The following ARL15 variants were observed in gnomAD, a reference collection of about 807,000 sequenced individuals.
ARL15 encodes ARF like GTPase 15.
Under a neutral mutation model 25.2 loss-of-function variants are expected in ARL15, and 19 were observed. That is an observed-to-expected ratio of 0.75 (90% confidence interval 0.53 to 1.10). The LOEUF (loss-of-function observed/expected upper bound fraction) is 1.10, where lower values mean the gene tolerates loss of function less well. ARL15 is among the 50% of genes least tolerant of loss of function. The pLI is 0.00. For missense variants in ARL15, 220 were observed against 246.0 expected (o/e 0.89, Z 0.71); for synonymous variants, 94 against 86.8 (o/e 1.08, Z -0.46).
At chr5:54,262,511 T>C (rs956673593) in intron 1 of ARL15, among the ~76,000 whole-genome samples, 2 of 151,896 alleles carry the variant, frequency 1.3e-5, no homozygotes, top group Non-Finnish European at 2.9e-5. Context: ...TGGATCAAAC[T>C]CCAGTTACCT....
chr5:54,105,154 G>C (rs755751966), intron 4 of ARL15, among the ~76,000 whole-genome samples: 1 of 151,526 alleles, frequency 6.6e-6, no homozygotes, highest in Non-Finnish European at 1.5e-5. Flanking sequence ...AATTTACCTC[G>C]ACAAATGTTT....
chr5:54,168,881 G>A (rs2112392901), intron 2 of ARL15, among the ~76,000 whole-genome samples: 1 of 152,266 alleles, frequency 6.6e-6, no homozygotes, highest in South Asian at 2.1e-4. Context: ...AGAGCCTGGA[G>A]TATATTAAAT....
At chr5:54,086,038 C>T (rs1751954275) in intron 4 of ARL15, among the ~76,000 whole-genome samples, 1 of 152,192 alleles carries the variant, frequency 6.6e-6, no homozygotes, top group Admixed American at 6.5e-5. Flanking sequence ...CCTCAGCCTC[C>T]TGAGTAGCTG....
At chr5:54,299,866 C>T (rs1405383445) in intron 1 of ARL15, among the ~76,000 whole-genome samples, 2 of 152,010 alleles carry the variant, frequency 1.3e-5, no homozygotes, top group Non-Finnish European at 2.9e-5. Flanking sequence ...GGATTATAGG[C>T]GTGAGCCACC....
chr5:54,264,499 C>A (rs964225651), intron 1 of ARL15, among the ~76,000 whole-genome samples: 3 of 152,094 alleles, frequency 2.0e-5, no homozygotes. Context: ...TATGAGGTAC[C>A]CCCACAGTCA....
At chr5:54,082,826 T>C (rs1194006771) in intron 4 of ARL15, among the ~76,000 whole-genome samples, 1 of 152,192 alleles carries the variant, frequency 6.6e-6, no homozygotes, top group Non-Finnish European at 1.5e-5. Context: ...ATATGCAAAT[T>C]TGTCAAATTT....
intron 1 of ARL15, among the ~76,000 whole-genome samples, chr5:54,244,695 G>T (rs1301373640): frequency 6.6e-6 from 1 of 151,866 alleles, no homozygotes; most frequent in Admixed American, 6.6e-5. Context: ...TGAGTCCAAG[G>T]TGGACACTAT....
intron 1 of ARL15, among the ~76,000 whole-genome samples, chr5:54,203,761 A>G (rs3797254): frequency 0.3 from 45,190 of 152,040 alleles, 6,875 homozygotes; most frequent in Admixed American, 0.38. Flanking sequence ...CTGTTGGTCA[A>G]TAATGTTTTC....
intron 4 of ARL15, among the ~76,000 whole-genome samples, chr5:53,928,062 A>G (rs1467182716): frequency 6.6e-6 from 1 of 152,146 alleles, no homozygotes; most frequent in Non-Finnish European, 1.5e-5. Flanking sequence ...GTCAGTGAAT[A>G]TTATTGATCT....
intron 1 of ARL15, among the ~76,000 whole-genome samples, chr5:54,188,180 A>G (rs1343857403): frequency 1.3e-5 from 2 of 152,220 alleles, no homozygotes; most frequent in African/African-American, 4.8e-5. Context: ...ATGGTTAGCA[A>G]TAAATAAATA....
intron 4 of ARL15, among the ~76,000 whole-genome samples, chr5:53,912,290 T>C (rs1580072776): frequency 6.6e-6 from 1 of 152,176 alleles, no homozygotes; most frequent in African/African-American, 2.4e-5. Flanking sequence ...ATAGTGGTGG[T>C]CTGGCCCAAG....
At chr5:53,902,668 C>T (rs1745105360) in intron 4 of ARL15, among the ~76,000 whole-genome samples, 1 of 152,152 alleles carries the variant, frequency 6.6e-6, no homozygotes, top group South Asian at 2.1e-4. Flanking sequence ...AATTCTTGGG[C>T]CATAAACAGG....
chr5:54,069,067 T>C (rs1374000501), intron 4 of ARL15, among the ~76,000 whole-genome samples: 1 of 152,190 alleles, frequency 6.6e-6, no homozygotes, highest in Non-Finnish European at 1.5e-5. Flanking sequence ...CAATGCGACA[T>C]TCTAAAATTA....
chr5:53,951,446 T>A (rs1027425726), intron 4 of ARL15: 4 of 465,854 alleles, frequency 8.6e-6, no homozygotes, highest in African/African-American at 6.1e-5. Context: ...TTACTCTCAA[T>A]TTCTGTATTT....
intron 4 of ARL15, among the ~76,000 whole-genome samples, chr5:53,939,111 A>G (rs911007313): frequency 1.3e-5 from 2 of 152,194 alleles, no homozygotes; most frequent in South Asian, 4.1e-4. Context: ...AATTAAACAT[A>G]TTTCAAGCAT....
At chr5:54,251,894 G>T (rs10940368) in intron 1 of ARL15, among the ~76,000 whole-genome samples, 18,231 of 152,216 alleles carry the variant, frequency 0.12, 1,391 homozygotes, top group East Asian at 0.41. Flanking sequence ...GAATCCCTGG[G>T]GTAAGACCTA....
chr5:54,113,495 C>A, intron 3 of ARL15, 85 bp from the exon 4 acceptor site: 2 of 1,263,598 alleles, frequency 1.6e-6, no homozygotes, highest in South Asian at 1.4e-5. Flanking sequence ...TACTGGAAAC[C>A]AATGTACCTT....
At chr5:54,169,899 T>C (rs1413764425) in intron 2 of ARL15, among the ~76,000 whole-genome samples, 1 of 152,114 alleles carries the variant, frequency 6.6e-6, no homozygotes, top group Non-Finnish European at 1.5e-5. Flanking sequence ...CTCATTACAA[T>C]CCCCTTATCC....
intron 1 of ARL15, among the ~76,000 whole-genome samples, chr5:54,234,683 G>T (rs745734204): frequency 3.3e-5 from 5 of 152,180 alleles, no homozygotes; most frequent in Non-Finnish European, 7.3e-5. Flanking sequence ...AACTAGCTCT[G>T]TGAAAGTGAA....
Sources: allele counts gnomAD v4.1 joint callset (sites outside exome capture counted in the v4.1 genomes callset), GRCh38; gene constraint gnomAD v4.1.1; transcripts MANE v1.5; gene names NCBI Gene and HGNC (gene_info 2026-07-23, HGNC 2026-07-21).